ATP9B: variants seen among roughly 807,000 people sequenced by gnomAD.
ATP9B encodes probable phospholipid-transporting ATPase IIB.
In ATP9B, 110 loss-of-function variants were observed where a neutral mutation model predicts 146.1. The observed-to-expected ratio is 0.75, with a 90% CI of 0.65 to 0.88. The LOEUF is 0.88. Among genes scored for constraint, ATP9B ranks in the 40% least tolerant of loss-of-function variants. The probability of loss-of-function intolerance (pLI) is 0.00; values close to 1 mark genes in which losing one functional copy is unlikely to be tolerated. For synonymous variants in ATP9B, 604 were observed against 569.7 expected (o/e 1.06, Z -0.86); for missense variants, 1,499 against 1,496.4 (o/e 1.00, Z -0.03).
At chr18:79,083,321 G>T (rs1174500364) in intron 1 of ATP9B, among the ~76,000 whole-genome samples, 1 of 152,226 alleles carries the variant, frequency 6.6e-6, no homozygotes, top group Non-Finnish European at 1.5e-5. Context: ...TTTCAAGCCA[G>T]TGAATCTTAG....
intron 5 of ATP9B, among the ~76,000 whole-genome samples, chr18:79,142,810 T>C (rs2147407440): frequency 6.6e-6 from 1 of 152,356 alleles, no homozygotes. Context: ...AACAGTGTGA[T>C]ACTACTGAAA....
In ATP9B at chr18:79,163,063, C is replaced by G. The variant is rs939502127; in HGVS notation, c.778+8508C>G. ...GGCCAACTTAGTAATACATTTTTTG[C>G]TGAGCCTTAACTGGCGTCAGTTTTA... On this transcript the variant is annotated intron_variant, in intron 7 of 29. Transcript: ENST00000426216. Among the ~76,000 whole-genome samples, 11 of 152,124 alleles carry G rather than the reference C, an allele frequency of 7.2e-5. No individual in the cohort carries two copies. In the South Asian group the frequency reaches 2.3e-3, roughly 31 times the overall value.
intron 7 of ATP9B, among the ~76,000 whole-genome samples, chr18:79,166,429 C>T (rs2094966146): frequency 6.6e-6 from 1 of 152,196 alleles, no homozygotes; most frequent in South Asian, 2.1e-4. Flanking sequence ...CCTACAACCT[C>T]TGAGCTGGCC....
At chr18:79,236,317 A>G (rs150888580) in intron 11 of ATP9B, among the ~76,000 whole-genome samples, 124 of 152,274 alleles carry the variant, frequency 8.1e-4, no homozygotes, top group African/African-American at 2.7e-3. Context: ...TGAAAGTCGT[A>G]GCTCATTTTC....
At chr18:79,172,180 T>C (rs920925516) in intron 7 of ATP9B, among the ~76,000 whole-genome samples, 3 of 149,598 alleles carry the variant, frequency 2.0e-5, no homozygotes, top group African/African-American at 7.6e-5. Flanking sequence ...CCCAAGGTGC[T>C]GTGATTACAG....
chr18:79,109,090 G>C (rs2075838713), intron 2 of ATP9B, among the ~76,000 whole-genome samples: 1 of 152,092 alleles, frequency 6.6e-6, no homozygotes, highest in African/African-American at 2.4e-5. Flanking sequence ...AAAACTTTTT[G>C]TTAACTTTTA....
intron 1 of ATP9B, 124 bp downstream of exon 1, chr18:79,069,653 GC>G: frequency 1.7e-6 from 1 of 576,080 alleles, no homozygotes; most frequent in East Asian, 3.6e-5. Flanking sequence ...TTCGCTGGGA[GC>G]CGGGAGTCCT....
intron 13 of ATP9B, among the ~76,000 whole-genome samples, chr18:79,303,234 C>T (rs1225591076): frequency 1.3e-5 from 2 of 152,038 alleles, no homozygotes; most frequent in East Asian, 1.9e-4. Flanking sequence ...TGTTGTCGTG[C>T]GCCTGTAGTC....
intron 17 of ATP9B, chr18:79,332,825 T>C (rs2096798828): frequency 6.6e-6 from 1 of 152,214 alleles, no homozygotes; most frequent in Admixed American, 6.5e-5. Context: ...CATGACCCTA[T>C]AGAGGTCACT....
chr18:79,227,091 C>T (rs2095743007), intron 11 of ATP9B, among the ~76,000 whole-genome samples: 1 of 152,106 alleles, frequency 6.6e-6, no homozygotes, highest in African/African-American at 2.4e-5. Context: ...TGTTACTTTC[C>T]TTGATTGACC....
chr18:79,158,067 C>T lies in ATP9B; in HGVS notation c.778+3512C>T, dbSNP rs115792033. ...CCACTTATTTTCTGTTCAGTTTAGT[C>T]TTCTTTTTGTAGTTTAAGGTGGAAA... On this transcript the variant is annotated intron_variant, in intron 7 of 29. Coordinates refer to ENST00000426216, the MANE Select transcript of ATP9B (RefSeq NM_198531.5). 3.8e-3 allele frequency among the ~76,000 whole-genome samples: 569 copies of T among 151,708 alleles called. 3 individuals carry two copies. The highest frequency in any genetic ancestry group is 0.024 in the South Asian group (117 of 4,790).
intron 1 of ATP9B, among the ~76,000 whole-genome samples, chr18:79,094,486 A>G (rs912944838): frequency 2.0e-5 from 3 of 152,198 alleles, no homozygotes; most frequent in African/African-American, 7.2e-5. Context: ...AAAAGAGAGA[A>G]CTACCAGGGA....
chr18:79,218,115 C>G (rs530799901), intron 11 of ATP9B, among the ~76,000 whole-genome samples: 3 of 152,372 alleles, frequency 2.0e-5, no homozygotes, highest in South Asian at 4.1e-4. Context: ...TTGTGTTTCT[C>G]ATGTTCCAGG....
chr18:79,176,271 C>T (rs2095168505), intron 7 of ATP9B, among the ~76,000 whole-genome samples: 1 of 152,136 alleles, frequency 6.6e-6, no homozygotes, highest in East Asian at 1.9e-4. Flanking sequence ...GATAGCACGG[C>T]CAAAGAGTAG....
chr18:79,081,155 C>T (rs2073219964), intron 1 of ATP9B, among the ~76,000 whole-genome samples: 1 of 152,036 alleles, frequency 6.6e-6, no homozygotes, highest in Non-Finnish European at 1.5e-5. Flanking sequence ...GGGAGGAGTC[C>T]CTCTTTTTCT....
At chr18:79,376,359 G>A in intron 29 of ATP9B, 1 of 985,094 alleles carries the variant, frequency 1.0e-6, no homozygotes, top group Non-Finnish European at 1.2e-6. Flanking sequence ...CCCATTCAGT[G>A]GTGTTTGGTG....
At chr18:79,188,561 T>C (rs1344338026) in intron 8 of ATP9B, among the ~76,000 whole-genome samples, 1 of 152,240 alleles carries the variant, frequency 6.6e-6, no homozygotes, top group Non-Finnish European at 1.5e-5. Context: ...AAAAGCATTC[T>C]ATCAAATGGA....
intron 20 of ATP9B, 33 bp from the exon 21 acceptor site, chr18:79,344,232 T>A (rs1341339836): frequency 6.3e-7 from 1 of 1,588,600 alleles, no homozygotes; most frequent in Admixed American, 1.7e-5. Flanking sequence ...AGACAACATT[T>A]TAATTTGGGA....
intron 25 of ATP9B, among the ~76,000 whole-genome samples, chr18:79,351,967 A>G (rs2096924577): frequency 6.6e-6 from 1 of 152,008 alleles, no homozygotes. Flanking sequence ...GAGAGCTCCT[A>G]GGCCAAGTCC....
Sources: allele counts gnomAD v4.1 joint callset (sites outside exome capture counted in the v4.1 genomes callset), GRCh38; gene constraint gnomAD v4.1.1; transcripts MANE v1.5; gene names NCBI Gene and HGNC (gene_info 2026-07-23, HGNC 2026-07-21).